CEMIP: variants seen among roughly 807,000 people sequenced by gnomAD.
The protein encoded by CEMIP is cell migration inducing hyaluronidase 1, also known as cell migration-inducing and hyaluronan-binding protein.
In CEMIP, 105 loss-of-function variants were observed where a neutral mutation model predicts 156.9. The observed-to-expected ratio is 0.67, with a 90% CI of 0.57 to 0.79. The LOEUF is 0.79. CEMIP is among the 30% of genes least tolerant of loss of function. The probability of loss-of-function intolerance (pLI) is 0.00; values close to 1 mark genes in which losing one functional copy is unlikely to be tolerated. For missense variants in CEMIP, 1,457 were observed against 1,769.4 expected (o/e 0.82, Z 3.17); for synonymous variants, 676 against 668.4 (o/e 1.01, Z -0.17).
intron 25 of CEMIP, among the ~76,000 whole-genome samples, chr15:80,938,415 G>T (rs1477484585): frequency 6.6e-6 from 1 of 152,138 alleles, no homozygotes; most frequent in African/African-American, 2.4e-5. Context: ...GACCAGCCTG[G>T]CCAACATGGT....
At chr15:80,840,416 C>T (rs867225571) in intron 1 of CEMIP, among the ~76,000 whole-genome samples, 1 of 152,066 alleles carries the variant, frequency 6.6e-6, no homozygotes, top group African/African-American at 2.4e-5. Flanking sequence ...CCCCGGCTGG[C>T]CCACGGGTAA....
At chr15:80,844,247 C>T (rs886851118) in intron 1 of CEMIP, among the ~76,000 whole-genome samples, 6 of 152,240 alleles carry the variant, frequency 3.9e-5, no homozygotes, top group African/African-American at 1.4e-4. Flanking sequence ...CGCCCTCCCC[C>T]TGCCTGGGAT....
At chr15:80,846,038 A>T (rs1339059765) in intron 1 of CEMIP, among the ~76,000 whole-genome samples, 1 of 152,204 alleles carries the variant, frequency 6.6e-6, no homozygotes, top group Non-Finnish European at 1.5e-5. Context: ...GGCTGAGGGA[A>T]CAGGTGCTTC....
Position 80,931,853 on chromosome 15 carries a change from C to T in CEMIP, c.2613-6C>T. On this transcript the variant is annotated splice_polypyrimidine_tract_variant and splice_region_variant and intron_variant, in intron 21 of 29. Coordinates refer to ENST00000394685, the MANE Select transcript of CEMIP (RefSeq NM_001293298.2). The stretch of plus-strand genomic sequence containing the variant: ...AGACTGACATCTTACTTCCTTAACT[C>T]CGTAGGAATTTTCCAATTAGAGGAA... 1.2e-6 allele frequency: 2 copies of T among 1,613,514 alleles called. No individual in the cohort carries two copies. Among genetic ancestry groups the T allele is most frequent in the African/African-American group, 1.3e-5 (1 of 75,018 alleles).
In CEMIP at chr15:80,929,076, T is replaced by G; in HGVS notation, c.2514T>G (p.Phe838Leu). ...AGCAAGAGATAAAGAACAGCTTGTT[T>G]GTTGGCGAGAGTGGCAACGTGGGGA... ...GSKQEIKNSLFVGESGNVGTE... is the reference protein window; with the variant it reads ...GSKQEIKNSLLVGESGNVGTE... The change falls in exon 21 of 30, where the codon TTT (phenylalanine) becomes TTG (leucine). Residue 838 changes from phenylalanine to leucine, a missense_variant. Coordinates refer to ENST00000394685, the MANE Select transcript of CEMIP (RefSeq NM_001293298.2). 5 of 1,614,220 alleles carry G rather than the reference T, an allele frequency of 3.1e-6. No homozygotes were observed. The highest frequency in any genetic ancestry group is 1.3e-5 in the African/African-American group (1 of 75,060).
At chr15:80,936,588 G>A (rs764603129) in intron 23 of CEMIP, 86 bp from the exon 24 acceptor site, 109 of 1,189,016 alleles carry the variant, frequency 9.2e-5, no homozygotes, top group South Asian at 9.1e-4. Flanking sequence ...TTGAAAGTGC[G>A]GTCTATAGTC....
chr15:80,824,412 G>A (rs1896982510), intron 1 of CEMIP, among the ~76,000 whole-genome samples: 1 of 152,136 alleles, frequency 6.6e-6, no homozygotes, highest in Non-Finnish European at 1.5e-5. Context: ...TGTCACCAGG[G>A]CAGTCCCCTC....
chr15:80,800,735 C>G (rs1896354668), intron 1 of CEMIP, among the ~76,000 whole-genome samples: 1 of 152,182 alleles, frequency 6.6e-6, no homozygotes, highest in Admixed American at 6.5e-5. Context: ...AATAGATTTG[C>G]AGGGTAATTG....
At chr15:80,848,900 G>GCACGCACACACACACACA (rs1555430241) in intron 1 of CEMIP, among the ~76,000 whole-genome samples, 1 of 134,576 alleles carries the variant, frequency 7.4e-6, no homozygotes, top group Non-Finnish European at 1.5e-5. Flanking sequence ...GTGTGCGCGT[G>GCACGCACACACACACACA]CACACACACA....
At chr15:80,783,805 G>C (rs1483455127) in intron 1 of CEMIP, among the ~76,000 whole-genome samples, 1 of 152,174 alleles carries the variant, frequency 6.6e-6, no homozygotes, top group Non-Finnish European at 1.5e-5. Flanking sequence ...GTTCAAGCTT[G>C]GTTCTTCAGA....
intron 9 of CEMIP, 121 bp from the exon 10 acceptor site, chr15:80,889,350 G>A (rs770182160): frequency 1.5e-4 from 214 of 1,393,708 alleles, no homozygotes; most frequent in Non-Finnish European, 2.0e-4. Flanking sequence ...CCAGCCTGGT[G>A]CAACCATGGA....
rs1486880473 is a variant in CEMIP, at chr15:80,937,984, G to A, written c.3407+5G>A. ...CTACTGGGACGAGGACTCAGGGTGA[G>A]CAGGCGCCCACTTGGCTGCAGGAAA... is the stretch of plus-strand genomic sequence containing the variant. On this transcript the variant is annotated splice_donor_5th_base_variant and intron_variant, in intron 25 of 29. Coordinates refer to ENST00000394685, the MANE Select transcript of CEMIP (RefSeq NM_001293298.2). 2 of 1,612,596 alleles carry A rather than the reference G, an allele frequency of 1.2e-6. No individual in the cohort carries two copies. The highest frequency in any genetic ancestry group is 1.1e-5 in the South Asian group (1 of 90,850).
At chr15:80,935,673 T>C (rs950750739) in intron 23 of CEMIP, among the ~76,000 whole-genome samples, 5 of 152,300 alleles carry the variant, frequency 3.3e-5, no homozygotes, top group African/African-American at 1.2e-4. Context: ...GCCACAGTTA[T>C]GGGGATATTG....
At position 80,922,093 on chromosome 15, in the gene CEMIP, C is replaced by T; in HGVS notation, c.2158C>T (p.Pro720Ser). The change falls in exon 17 of 30, where the codon CCA (proline) becomes TCA (serine). Residue 720 changes from proline to serine, a missense_variant. Physicochemically the swap from Pro to Ser is moderately conservative, Grantham distance 74 (BLOSUM62 -1). This residue lies in a region of CEMIP where 798 missense variants were observed against 980.1 expected (regional missense o/e 0.81). Coordinates refer to ENST00000394685, the MANE Select transcript of CEMIP (RefSeq NM_001293298.2). ...CTCCCCAGGTTATTCAGAGCACATTCCACTGGGAAAATTCTATAACAACCG... is the reference window on the plus strand; with the variant it reads ...CTCCCCAGGTTATTCAGAGCACATTTCACTGGGAAAATTCTATAACAACCG... The part of the protein sequence containing the change: ...MYSPGYSEHI[P>S]LGKFYNNRAH... 2.5e-6 allele frequency: 4 copies of T among 1,614,254 alleles called. No individual in the cohort carries two copies. The highest frequency in any genetic ancestry group is 3.4e-6 in the Non-Finnish European group (4 of 1,180,018).
At chr15:80,843,423 C>T (rs994632383) in intron 1 of CEMIP, among the ~76,000 whole-genome samples, 2 of 152,204 alleles carry the variant, frequency 1.3e-5, no homozygotes, top group African/African-American at 2.4e-5. Flanking sequence ...TGTTCTACTG[C>T]GCACACTGCC....
chr15:80,884,482 G>A, intron 7 of CEMIP, 128 bp downstream of exon 7: 1 of 917,818 alleles, frequency 1.1e-6, no homozygotes, highest in South Asian at 1.4e-5. Context: ...GTGGATGCAG[G>A]CATTTGCATT....
intron 1 of CEMIP, among the ~76,000 whole-genome samples, chr15:80,853,782 T>C (rs573769891): frequency 6.6e-6 from 1 of 152,216 alleles, no homozygotes; most frequent in Non-Finnish European, 1.5e-5. Flanking sequence ...TGAATAAACA[T>C]ATAGGTTGAA....
chr15:80,925,510 T>C, intron 18 of CEMIP, 114 bp from the exon 19 acceptor site: 1 of 1,438,098 alleles, frequency 7.0e-7, no homozygotes, highest in Non-Finnish European at 9.5e-7. Flanking sequence ...TTCTGTTCAG[T>C]CAATGCCTTC....
intron 21 of CEMIP, among the ~76,000 whole-genome samples, chr15:80,930,163 A>G (rs1900852574): frequency 6.6e-6 from 1 of 152,246 alleles, no homozygotes. Flanking sequence ...CAAAATACAC[A>G]TTGACCTAAA....
Sources: allele counts gnomAD v4.1 joint callset (sites outside exome capture counted in the v4.1 genomes callset), GRCh38; gene constraint gnomAD v4.1.1; regional missense constraint gnomAD v4.1.1; transcripts MANE v1.5; gene names NCBI Gene and HGNC (gene_info 2026-07-23, HGNC 2026-07-21).